Variants in CEP162 observed in about 807,000 individuals in gnomAD.
CEP162 encodes the protein centrosomal protein of 162 kDa.
CEP162 carries 141 observed loss-of-function variants against 169.2 expected under a neutral mutation model. The observed-to-expected ratio is 0.83, with a 90% CI of 0.73 to 0.96. CEP162 has a LOEUF of 0.96. Among genes scored for constraint, CEP162 ranks in the 40% least tolerant of loss-of-function variants. CEP162 has a pLI of 0.00. For synonymous variants in CEP162, 540 were observed against 526.4 expected, an observed-to-expected ratio of 1.03 and a Z score of -0.35; for missense variants, 1,600 against 1,587.2, an observed-to-expected ratio of 1.01 and a Z score of -0.14.
At chr6:84,219,450 T>C (rs1230198212) in intron 3 of CEP162, among the ~76,000 whole-genome samples, 1 of 152,232 alleles carries the variant, frequency 6.6e-6, no homozygotes, top group Non-Finnish European at 1.5e-5. Context: ...GCTATTCTTT[T>C]CCTGTAGGAT....
intron 11 of CEP162, among the ~76,000 whole-genome samples, chr6:84,190,751 C>T (rs572965582): frequency 8.5e-5 from 13 of 152,316 alleles, no homozygotes; most frequent in South Asian, 6.2e-4. Context: ...TAACACTCAC[C>T]GCGAGCGTCC....
At chr6:84,141,324 A>C (rs1291788143) in intron 25 of CEP162, among the ~76,000 whole-genome samples, 1 of 152,194 alleles carries the variant, frequency 6.6e-6, no homozygotes, top group Non-Finnish European at 1.5e-5. Flanking sequence ...GGTAAAATAA[A>C]ATTTAAAAGA....
At chr6:84,208,042 C>G (rs1389978701) in intron 6 of CEP162, among the ~76,000 whole-genome samples, 2 of 118,064 alleles carry the variant, frequency 1.7e-5, no homozygotes, top group Non-Finnish European at 3.3e-5. Flanking sequence ...TTTTTTGTCT[C>G]TACAGGTATC....
chr6:84,151,448 A>T (rs2099521060), intron 23 of CEP162, among the ~76,000 whole-genome samples: 1 of 152,040 alleles, frequency 6.6e-6, no homozygotes, highest in African/African-American at 2.4e-5. Flanking sequence ...TGGGAAGGGG[A>T]ACTAATTTAC....
At chr6:84,203,903 G>T (rs983572342) in intron 7 of CEP162, 78 bp downstream of exon 7, 3 of 645,868 alleles carry the variant, frequency 4.6e-6, no homozygotes, top group Non-Finnish European at 7.6e-6. Context: ...TCCATTTTTT[G>T]AGCTCTTCAT....
intron 22 of CEP162, 54 bp downstream of exon 22, chr6:84,155,243 GC>G: frequency 7.6e-7 from 1 of 1,319,528 alleles, no homozygotes; most frequent in Non-Finnish European, 1.1e-6. Context: ...CCTAAGAAGT[GC>G]CTGCCCCCAT....
chr6:84,178,915 G>T (rs2099533551), intron 13 of CEP162, among the ~76,000 whole-genome samples: 1 of 152,068 alleles, frequency 6.6e-6, no homozygotes, highest in South Asian at 2.1e-4. Context: ...GCAGTGTTTG[G>T]TTTTTTGTCC....
intron 13 of CEP162, among the ~76,000 whole-genome samples, chr6:84,179,784 C>T (rs1187813519): frequency 6.6e-6 from 1 of 152,106 alleles, no homozygotes; most frequent in Non-Finnish European, 1.5e-5. Flanking sequence ...CATCCCAAGA[C>T]TAAACCAGGA....
At chr6:84,137,314 C>T (rs117485832) in intron 25 of CEP162, among the ~76,000 whole-genome samples, 442 of 152,178 alleles carry the variant, frequency 2.9e-3, no homozygotes, top group Non-Finnish European at 5.2e-3. Context: ...AACATGCTAG[C>T]GAGCCTTACA....
At chr6:84,160,220 GA>G (rs1182566066) in intron 21 of CEP162, among the ~76,000 whole-genome samples, 1 of 151,738 alleles carries the variant, frequency 6.6e-6, no homozygotes, top group Non-Finnish European at 1.5e-5. Flanking sequence ...AAAACAGAAG[GA>G]AAAAAATAAC....
chr6:84,165,071 C>T (rs1025603642), intron 18 of CEP162, among the ~76,000 whole-genome samples: 5 of 151,698 alleles, frequency 3.3e-5, no homozygotes, highest in African/African-American at 1.2e-4. Flanking sequence ...TCTGCACTGT[C>T]TCTTCTGCTT....
At chr6:84,147,292 T>A (rs1482768606) in intron 24 of CEP162, among the ~76,000 whole-genome samples, 1 of 152,074 alleles carries the variant, frequency 6.6e-6, no homozygotes, top group African/African-American at 2.4e-5. Context: ...CTTGATCTCA[T>A]GAACACAGAG....
chr6:84,210,288 A>G (rs1434982733), intron 6 of CEP162, among the ~76,000 whole-genome samples: 1 of 152,228 alleles, frequency 6.6e-6, no homozygotes, highest in African/African-American at 2.4e-5. Context: ...GACATTTTTC[A>G]TCTTTTGTTG....
chr6:84,156,265 A>T (rs2099523115), intron 21 of CEP162, among the ~76,000 whole-genome samples: 1 of 152,196 alleles, frequency 6.6e-6, no homozygotes, highest in African/African-American at 2.4e-5. Context: ...GAAACTATAA[A>T]AATCCTAGAA....
intron 25 of CEP162, among the ~76,000 whole-genome samples, chr6:84,131,930 C>T (rs549203920): frequency 1.3e-5 from 2 of 152,196 alleles, no homozygotes; most frequent in African/African-American, 4.8e-5. Context: ...CAGTTTCTTC[C>T]TAGCACTGAT....
At position 84,153,141 on chromosome 6, in the gene CEP162, T is replaced by C; in HGVS notation, c.3033A>G (p.Leu1011=). 5.6e-6 allele frequency: 9 copies of C among 1,609,186 alleles called. No individual in the cohort carries two copies. Among genetic ancestry groups the C allele is most frequent in the Non-Finnish European group, 7.6e-6 (9 of 1,178,550 alleles). Residue 1011 remains leucine (L), a synonymous_variant, in exon 23 of 27, where the codon CTA becomes CTG. Coordinates refer to ENST00000403245, the MANE Select transcript of CEP162 (RefSeq NM_014895.4). ...YEQRLEQQEQ[L]LACKLNQHDS... is the part of the protein sequence containing the mutation. ...CATGTTGATTCAATTTGCAGGCAAG[T>C]AGCTGCTCCTGCTGCTCTAGTCTTT... is the stretch of plus-strand genomic sequence containing the variant.
intron 15 of CEP162, 30 bp downstream of exon 15, chr6:84,174,697 A>G (rs751767075): frequency 1.9e-6 from 2 of 1,050,042 alleles, no homozygotes; most frequent in South Asian, 3.2e-5. Context: ...TAATAAATAT[A>G]AAAAAATACC....
chr6:84,166,038 CTG>C (rs1235566691), intron 18 of CEP162, among the ~76,000 whole-genome samples: 10 of 152,184 alleles, frequency 6.6e-5, no homozygotes, highest in Non-Finnish European at 1.5e-4. Context: ...ATTCAAAGAA[CTG>C]TAAACATCTT....
chr6:84,199,539 T>C (rs550199998), intron 9 of CEP162, among the ~76,000 whole-genome samples: 129 of 126,556 alleles, frequency 1.0e-3, no homozygotes, highest in African/African-American at 4.0e-3. Context: ...ATACTATATA[T>C]CAATTAAAAA....
Sources: gnomAD v4.1 joint callset for allele counts (sites outside exome capture counted in the v4.1 genomes callset) on GRCh38, gnomAD v4.1.1 for gene constraint, MANE v1.5 for transcripts, NCBI Gene and HGNC (gene_info 2026-07-23, HGNC 2026-07-21) for gene names.